Variants in KLHL1 observed in about 807,000 individuals in gnomAD.
The protein encoded by KLHL1 is kelch-like protein 1.
KLHL1 carries 47 observed loss-of-function variants against 77.7 expected under a neutral mutation model. That is an observed-to-expected ratio of 0.60 (90% CI 0.48 to 0.77). KLHL1 has a LOEUF of 0.77. Among genes scored for constraint, KLHL1 ranks in the 30% least tolerant of loss-of-function variants. The pLI is 0.00. For missense variants in KLHL1, 925 were observed against 910.8 expected (o/e 1.02, Z -0.20); for synonymous variants, 360 against 325.2 (o/e 1.11, Z -1.15).
At chr13:69,955,275 A>G (rs1311436873) in intron 3 of KLHL1, among the ~76,000 whole-genome samples, 1 of 151,466 alleles carries the variant, frequency 6.6e-6, no homozygotes, top group Middle Eastern at 3.4e-3. Context: ...CTCAGCCCCT[A>G]TGTGTGTATA....
chr13:69,714,498 A>G (rs1444893356), intron 9 of KLHL1, among the ~76,000 whole-genome samples: 1 of 152,196 alleles, frequency 6.6e-6, no homozygotes, highest in Admixed American at 6.5e-5. Context: ...AAAGAACAAT[A>G]GATTATTTAT....
At chr13:69,798,682 G>C (rs761926473) in intron 6 of KLHL1, among the ~76,000 whole-genome samples, 16 of 151,972 alleles carry the variant, frequency 1.1e-4, no homozygotes, top group Non-Finnish European at 2.1e-4. Flanking sequence ...AAATTCTAAA[G>C]CAAACTACAT....
rs564883687 is a variant in KLHL1 at position 69,914,155 on chromosome 13, C to T, written c.1014+25885G>A. 9.9e-5 allele frequency among the ~76,000 whole-genome samples: 15 copies of T among 152,254 alleles called. No homozygotes were observed. In the East Asian group the frequency reaches 2.7e-3, roughly 27 times the overall value. ...GCTTGCAGACGGCCTATTGTGGGAC[C>T]TCACCTTGTGATCCTGTGAGTCAAC... On this transcript the variant is annotated intron_variant, in intron 4 of 10. Coordinates refer to ENST00000377844, the MANE Select transcript of KLHL1 (RefSeq NM_020866.3).
At chr13:70,106,157 A>G (rs1566580377) in intron 1 of KLHL1, among the ~76,000 whole-genome samples, 1 of 151,710 alleles carries the variant, frequency 6.6e-6, no homozygotes, top group Admixed American at 6.6e-5. Flanking sequence ...AATTTATAAG[A>G]AACTGATTCA....
intron 6 of KLHL1, among the ~76,000 whole-genome samples, chr13:69,806,663 C>A (rs115292760): frequency 3.3e-5 from 5 of 152,280 alleles, no homozygotes; most frequent in African/African-American, 1.2e-4. Flanking sequence ...TGGGAGAAAC[C>A]CTTGACCAAC....
chr13:70,019,703 G>T (rs1018379555), intron 1 of KLHL1, among the ~76,000 whole-genome samples: 8 of 152,152 alleles, frequency 5.3e-5, no homozygotes. Context: ...ATAAATGATA[G>T]TGGTGTGAAT....
At position 69,961,396 on chromosome 13, in the gene KLHL1, A is replaced by C. The variant is rs201977511; in HGVS notation, c.729T>G (p.Ser243Arg). ...CCTCTTGCTTGGCTTCACAAACATCACTTGTAAACATGGCCGCAAAATAGT... is the reference window on the plus strand; with the variant it reads ...CCTCTTGCTTGGCTTCACAAACATCCCTTGTAAACATGGCCGCAAAATAGT... Reference protein sequence around the residue: ...VSDYFAAMFTSDVCEAKQEEI... With the variant: ...VSDYFAAMFTRDVCEAKQEEI... The change falls in exon 3 of 11, where the codon AGT becomes AGG. Residue 243 changes from serine to arginine, a missense_variant. Coordinates refer to ENST00000377844, the MANE Select transcript of KLHL1 (RefSeq NM_020866.3). 5 of 1,612,974 alleles carry C rather than the reference A, an allele frequency of 3.1e-6. No individual in the cohort carries two copies. Among genetic ancestry groups the C allele is most frequent in the Non-Finnish European group, 4.2e-6 (5 of 1,179,378 alleles).
chr13:69,950,378 A>G (rs567540703), intron 3 of KLHL1, among the ~76,000 whole-genome samples: 1 of 151,782 alleles, frequency 6.6e-6, no homozygotes, highest in African/African-American at 2.4e-5. Flanking sequence ...CCCTTGACTC[A>G]CATCGATGCA....
chr13:69,825,056 C>T (rs1234633169), intron 6 of KLHL1, among the ~76,000 whole-genome samples: 2 of 151,892 alleles, frequency 1.3e-5, no homozygotes, highest in African/African-American at 2.4e-5. Flanking sequence ...TGTGATAAAG[C>T]CATGTTGCAT....
At chr13:70,075,588 TACACACACACACATATATATAGGACTTAC>T (rs1887246695) in intron 1 of KLHL1, among the ~76,000 whole-genome samples, 9 of 121,980 alleles carry the variant, frequency 7.4e-5, no homozygotes, top group Admixed American at 1.7e-4. Flanking sequence ...TATATATATA[TACACACACACACATATATATAGGACTTAC>T]ATATATATAT....
intron 1 of KLHL1, among the ~76,000 whole-genome samples, chr13:70,070,034 G>C (rs577228435): frequency 1.3e-5 from 2 of 151,936 alleles, no homozygotes; most frequent in African/African-American, 4.8e-5. Flanking sequence ...TGGGTGTGGT[G>C]GCGGGCACCT....
chr13:69,743,854 A>G (rs1874091643), intron 7 of KLHL1, among the ~76,000 whole-genome samples: 1 of 151,824 alleles, frequency 6.6e-6, no homozygotes. Context: ...GAAAGAATAA[A>G]TTAGGGATAA....
At chr13:70,009,872 G>GA (rs988727395) in intron 1 of KLHL1, among the ~76,000 whole-genome samples, 4 of 151,176 alleles carry the variant, frequency 2.6e-5, no homozygotes, top group African/African-American at 4.9e-5. Context: ...AAAAAGGTCA[G>GA]AAAAAAAACC....
chr13:69,885,745 G>A lies in KLHL1; in HGVS notation c.1015-3250C>T, dbSNP rs535361321. Among the ~76,000 whole-genome samples the A allele has an allele frequency of 4.6e-5, 7 of 152,198 alleles. No individual in the cohort carries two copies. The East Asian group carries it at 1.4e-3, about 29-fold the overall frequency. ...TTCAGCATAGGTTTATCAAAACCCT[G>A]ATATATGGCCCTGATAATCATCGTG... On this transcript the variant is annotated intron_variant, in intron 4 of 10. Coordinates refer to ENST00000377844, the MANE Select transcript of KLHL1 (RefSeq NM_020866.3).
intron 1 of KLHL1, among the ~76,000 whole-genome samples, chr13:70,002,960 T>C (rs1885332859): frequency 6.6e-6 from 1 of 151,668 alleles, no homozygotes; most frequent in Admixed American, 6.6e-5. Flanking sequence ...CACATTTAAA[T>C]ACTACCTACA....
chr13:69,995,011 G>A (rs956120157), intron 1 of KLHL1, among the ~76,000 whole-genome samples: 1 of 152,118 alleles, frequency 6.6e-6, no homozygotes, highest in African/African-American at 2.4e-5. Context: ...ACCAAAGACA[G>A]TGTGGACACG....
At chr13:70,019,267 T>C (rs1566503774) in intron 1 of KLHL1, among the ~76,000 whole-genome samples, 1 of 152,100 alleles carries the variant, frequency 6.6e-6, no homozygotes, top group Non-Finnish European at 1.5e-5. Flanking sequence ...TTGAAAAGTC[T>C]AAAGGAAAAC....
chr13:69,813,768 A>G (rs1454956932), intron 6 of KLHL1, among the ~76,000 whole-genome samples: 2 of 152,204 alleles, frequency 1.3e-5, no homozygotes, highest in East Asian at 3.8e-4. Flanking sequence ...AAATGTAAAA[A>G]CATTCCATGC....
At chr13:70,063,422 C>T (rs1309784737) in intron 1 of KLHL1, among the ~76,000 whole-genome samples, 1 of 152,058 alleles carries the variant, frequency 6.6e-6, no homozygotes, top group Non-Finnish European at 1.5e-5. Flanking sequence ...TTGGCACCAT[C>T]ACATGGCTTC....
Sources: allele counts gnomAD v4.1 joint callset (sites outside exome capture counted in the v4.1 genomes callset), GRCh38; gene constraint gnomAD v4.1.1; transcripts MANE v1.5; gene names NCBI Gene and HGNC (gene_info 2026-07-23, HGNC 2026-07-21).